Variants in SVIL observed in about 807,000 individuals in gnomAD.
SVIL encodes the protein archvillin.
In SVIL, 101 loss-of-function variants were observed where a neutral mutation model predicts 240.4. The ratio of observed to expected loss-of-function variants is 0.42; its 90% CI spans 0.36 to 0.50. The LOEUF (loss-of-function observed/expected upper bound fraction) is 0.50. Ranked by LOEUF, SVIL falls within the 20% of genes least tolerant of loss-of-function variation. SVIL has a pLI of 0.01. For missense variants in SVIL, 2,512 were observed against 2,818.7 expected (o/e 0.89, Z 2.46); for synonymous variants, 999 against 1,100.0 (o/e 0.91, Z 1.82).
At chr10:29,682,698 A>C (rs1332193262) in intron 2 of SVIL, among the ~76,000 whole-genome samples, 1 of 152,256 alleles carries the variant, frequency 6.6e-6, no homozygotes, top group Non-Finnish European at 1.5e-5. Context: ...AGAGGAGTAT[A>C]CAAATTCTGT....
rs1334953301 is a variant in SVIL, at chr10:29,481,280, G to A, written c.5100+304C>T. ...TTGATACATGCATCTGTTTTATGGG[G>A]AAGGGGGTGTGGGAAGGAGACGGGA... On this transcript the variant is annotated intron_variant, in intron 28 of 37. Coordinates refer to ENST00000355867, the MANE Select transcript of SVIL (RefSeq NM_021738.3). Among the ~76,000 whole-genome samples, 3 of 151,972 alleles carry A rather than the reference G, an allele frequency of 2.0e-5. No homozygotes were observed. In the East Asian group the frequency reaches 5.8e-4, roughly 29 times the overall value.
intron 2 of SVIL, among the ~76,000 whole-genome samples, chr10:29,568,254 T>C (rs1308954304): frequency 2.0e-5 from 3 of 151,726 alleles, no homozygotes; most frequent in Non-Finnish European, 4.4e-5. Flanking sequence ...TTAAAAGATG[T>C]GGAGGAAATA....
intron 16 of SVIL, among the ~76,000 whole-genome samples, chr10:29,513,727 A>C (rs1367081964): frequency 5.3e-5 from 8 of 152,234 alleles, no homozygotes; most frequent in South Asian, 2.1e-4. Context: ...TATTTTCTAT[A>C]AACCCATTTT....
chr10:29,475,676 G>GA (rs1564473951), intron 29 of SVIL, among the ~76,000 whole-genome samples: 1 of 152,166 alleles, frequency 6.6e-6, no homozygotes, highest in African/African-American at 2.4e-5. Flanking sequence ...CTTCTAGGCT[G>GA]AGTGAGGCCA....
intron 1 of SVIL, among the ~76,000 whole-genome samples, chr10:29,721,435 A>G (rs1443451216): frequency 6.6e-6 from 1 of 152,074 alleles, no homozygotes; most frequent in East Asian, 1.9e-4. Context: ...CATATTGGGG[A>G]AAAAAGATAC....
intron 1 of SVIL, among the ~76,000 whole-genome samples, chr10:29,595,118 G>A (rs1219316032): frequency 1.3e-5 from 2 of 152,184 alleles, no homozygotes; most frequent in Non-Finnish European, 2.9e-5. Context: ...CTTCTCTGTG[G>A]AAACTGTGAT....
chr10:29,598,957 C>T (rs1239089630), intron 1 of SVIL, among the ~76,000 whole-genome samples: 4 of 152,314 alleles, frequency 2.6e-5, no homozygotes, highest in East Asian at 3.9e-4. Flanking sequence ...GCCCAGCCAA[C>T]GTTTCATGAA....
At chr10:29,709,030 A>G (rs1963102294) in intron 1 of SVIL, among the ~76,000 whole-genome samples, 5 of 152,202 alleles carry the variant, frequency 3.3e-5, no homozygotes, top group Admixed American at 6.5e-5. Context: ...TGAAGAAAAG[A>G]TTAAAAAGCC....
intron 1 of SVIL, among the ~76,000 whole-genome samples, chr10:29,715,966 G>GT (rs1326875767): frequency 6.6e-6 from 1 of 152,200 alleles, no homozygotes; most frequent in Non-Finnish European, 1.5e-5. Flanking sequence ...TTATTTAAAT[G>GT]TAAAAACTGA....
chr10:29,730,733 C>T (rs1484119534), intron 1 of SVIL, among the ~76,000 whole-genome samples: 2 of 152,162 alleles, frequency 1.3e-5, no homozygotes, highest in Non-Finnish European at 2.9e-5. Context: ...GTACAAGGAA[C>T]CCCTAAGATT....
rs375123667 is a variant in SVIL, at chr10:29,631,135, T to G, written c.-201+3285A>C. ...GAGAAGACAACATTTTGGGGAGACT[T>G]GCCAACAGAACTCCAGGGGCATGAA... On this transcript the variant is annotated intron_variant, in intron 1 of 37. Coordinates refer to ENST00000355867, the MANE Select transcript of SVIL (RefSeq NM_021738.3). Among the ~76,000 whole-genome samples the G allele has an allele frequency of 9.2e-5, 14 of 152,290 alleles. No individual in the cohort carries two copies. In the South Asian group the frequency reaches 2.7e-3, roughly 29 times the overall value.
At chr10:29,661,729 C>T (rs754333083) in intron 2 of SVIL, among the ~76,000 whole-genome samples, 1 of 152,206 alleles carries the variant, frequency 6.6e-6, no homozygotes, top group Admixed American at 6.5e-5. Context: ...CAAGCCTGTG[C>T]TTTGACAGAT....
rs201731317 is a variant in SVIL, at chr10:29,620,964, TA to T, written c.-201+13455del. Among the ~76,000 whole-genome samples the T allele has an allele frequency of 3.9e-3, 586 of 150,884 alleles. 2 individuals carry two copies. The highest frequency in any genetic ancestry group is 0.014 in the African/African-American group (559 of 40,772). On this transcript the variant is annotated intron_variant, in intron 1 of 37. Coordinates refer to ENST00000355867, the MANE Select transcript of SVIL (RefSeq NM_021738.3). Reference sequence around the variant, plus strand: ...CTTTTTAAATTTGATTTTTTATTCTTAAAATTTTTTTTTTTTTTTTGTAGAT... The same window carrying T: ...CTTTTTAAATTTGATTTTTTATTCTTAAATTTTTTTTTTTTTTTTGTAGAT...
At chr10:29,530,430 G>C (rs925821756) in intron 11 of SVIL, among the ~76,000 whole-genome samples, 177 bp downstream of exon 11, 1 of 152,168 alleles carries the variant, frequency 6.6e-6, no homozygotes, top group African/African-American at 2.4e-5. Flanking sequence ...GGGTCCACAA[G>C]ATTCCCCCTC....
chr10:29,624,034 T>C (rs564717165), intron 1 of SVIL, among the ~76,000 whole-genome samples: 1 of 152,320 alleles, frequency 6.6e-6, no homozygotes, highest in Non-Finnish European at 1.5e-5. Flanking sequence ...GTACTCCTGT[T>C]GTTAAGCAAC....
intron 28 of SVIL, among the ~76,000 whole-genome samples, chr10:29,481,347 CAGAG>C (rs938521924): frequency 5.3e-5 from 8 of 151,818 alleles, no homozygotes; most frequent in African/African-American, 1.5e-4. Flanking sequence ...TACAAAGTGA[CAGAG>C]AGGAGGAATG....
At chr10:29,651,331 C>T (rs1292385076) in intron 3 of SVIL, among the ~76,000 whole-genome samples, 4 of 152,266 alleles carry the variant, frequency 2.6e-5, no homozygotes, top group African/African-American at 9.6e-5. Flanking sequence ...AAAACAGGTG[C>T]CAAATTGTCT....
intron 1 of SVIL, among the ~76,000 whole-genome samples, chr10:29,597,022 G>C (rs1456646858): frequency 2.0e-5 from 3 of 152,174 alleles, no homozygotes; most frequent in African/African-American, 7.2e-5. Context: ...GGAATGTCTG[G>C]TGATGGTCCA....
intron 2 of SVIL, among the ~76,000 whole-genome samples, chr10:29,663,778 C>G (rs67801569): frequency 0.031 from 4,660 of 152,330 alleles, 87 homozygotes; most frequent in Middle Eastern, 0.079. Flanking sequence ...CCATGCTCAA[C>G]AAAGAGATGC....
Sources: gnomAD v4.1 joint callset for allele counts (sites outside exome capture counted in the v4.1 genomes callset) on GRCh38, gnomAD v4.1.1 for gene constraint, MANE v1.5 for transcripts, NCBI Gene and HGNC (gene_info 2026-07-23, HGNC 2026-07-21) for gene names.